MRPS16: variants seen among roughly 807,000 people sequenced by gnomAD.
The protein encoded by MRPS16 is small ribosomal subunit protein bS16m.
MRPS16 carries 5 observed loss-of-function variants against 11.0 expected under a neutral mutation model. The observed-to-expected ratio is 0.46, with a 90% CI of 0.24 to 0.96. The LOEUF is 0.96. Among genes scored for constraint, MRPS16 ranks in the 40% least tolerant of loss-of-function variants. The pLI is 0.20. For synonymous variants in MRPS16, 76 were observed against 65.0 expected, an observed-to-expected ratio of 1.17 and a Z score of -0.81; for missense variants, 179 against 174.4, an observed-to-expected ratio of 1.03 and a Z score of -0.15.
At position 73,249,688 on chromosome 10, in the gene MRPS16, GAA is replaced by G. The variant is rs1156377115; in HGVS notation, c.*1162_*1163del. 1 of 205,580 alleles carries G rather than the reference GAA, an allele frequency of 4.9e-6. No homozygotes were observed. Among genetic ancestry groups the G allele is most frequent in the Non-Finnish European group, 1.0e-5 (1 of 98,818 alleles). The allele number at this position is 205,580 out of a possible 1,614,324, so 12.7% of individuals were successfully genotyped here. A position where few individuals can be genotyped will look rare whatever the true frequency, so the allele number is the denominator to read the frequency against. ...GAATGGTTCAATCTTGATTCATACT[GAA>G]CTCCCTTAAGCCCAGCAGTTTCTCA... is the stretch of plus-strand genomic sequence containing the variant. On this transcript the variant is annotated 3_prime_UTR_variant, in exon 3 of 3. Transcript: ENST00000372945.
intron 1 of MRPS16, 100 bp from the exon 2 acceptor site, chr10:73,252,123 C>G: frequency 6.7e-7 from 1 of 1,482,342 alleles, no homozygotes; most frequent in Non-Finnish European, 9.2e-7. Flanking sequence ...GTCTCACTTC[C>G]AATCCATTCC....
rs763581354 is a variant in MRPS16 at position 73,248,972 on chromosome 10, G to A, written c.*1880C>T. On this transcript the variant is annotated 3_prime_UTR_variant, in exon 3 of 3. Coordinates refer to ENST00000372945, the MANE Select transcript of MRPS16 (RefSeq NM_016065.4). The stretch of plus-strand genomic sequence containing the variant: ...TTTTCTCTGTCACCCAGGCTGGACT[G>A]TAGTGGAACAATCACAGTTCACTGC... 2 of 562,282 alleles carry A rather than the reference G, an allele frequency of 3.6e-6. No homozygotes were observed. The highest frequency in any genetic ancestry group is 3.1e-5 in the South Asian group (2 of 64,624). 34.8% of individuals were successfully genotyped at this position (562,282 alleles called of 1,614,324 possible).
chr10:73,252,593 G>C lies in MRPS16; in HGVS notation c.-111C>G. 2 of 1,480,444 alleles carry C rather than the reference G, an allele frequency of 1.4e-6. No homozygotes were observed. Among genetic ancestry groups the C allele is most frequent in the Non-Finnish European group, 1.8e-6 (2 of 1,093,592 alleles). The allele number at this position is 1,480,444 out of a possible 1,614,324, so 91.7% of individuals were successfully genotyped here. ...AGAAAGAACCTGCAAGCCGACACCA[G>C]GCCGCACCGCCAAGCGGTACAAGCC... On this transcript the variant is annotated 5_prime_UTR_variant, in exon 1 of 3. Transcript: ENST00000372945.
chr10:73,252,539 A>C lies in MRPS16; in HGVS notation c.-57T>G. On this transcript the variant is annotated 5_prime_UTR_variant, in exon 1 of 3. Coordinates refer to ENST00000372945, the MANE Select transcript of MRPS16 (RefSeq NM_016065.4). ...CCCGCTACCCGCACGCACCAGCTCTACGGCCTTGGCAGGGCAGAGAACAAA... is the reference window on the plus strand; with the variant it reads ...CCCGCTACCCGCACGCACCAGCTCTCCGGCCTTGGCAGGGCAGAGAACAAA... 6.3e-7 allele frequency: 1 copy of C among 1,598,800 alleles called. No homozygotes were observed. The highest frequency in any genetic ancestry group is 1.1e-5 in the South Asian group (1 of 90,286).
chr10:73,251,375 CTCTT>C (rs1229763270), intron 2 of MRPS16, among the ~76,000 whole-genome samples: 1 of 150,508 alleles, frequency 6.6e-6, no homozygotes, highest in African/African-American at 2.5e-5. Flanking sequence ...AATGAAATAA[CTCTT>C]TTTTTTTTTT....
At chr10:73,252,311 A>T in intron 1 of MRPS16, 159 bp downstream of exon 1, 3 of 1,219,376 alleles carry the variant, frequency 2.5e-6, no homozygotes, top group Non-Finnish European at 3.5e-6. Context: ...AGCGGTGATT[A>T]AGTGGGGAAA....
chr10:73,252,507 G>A lies in MRPS16; in HGVS notation c.-25C>T, dbSNP rs757956436. The A allele has an allele frequency of 5.6e-6, 9 of 1,605,580 alleles. No individual in the cohort carries two copies. The South Asian group carries it at 6.6e-5, about 12-fold the overall frequency. On this transcript the variant is annotated 5_prime_UTR_variant, in exon 1 of 3. Transcript: ENST00000372945. ...TGGTGCCGCCGGCGTGCGGCTCCTC[G>A]GAGAGCCCCGCTACCCGCACGCACC...
Position 73,252,384 on chromosome 10 carries a change from G to A in MRPS16, c.13+86C>T, listed in dbSNP as rs530527250. Reference sequence around the variant, plus strand: ...GCTTCAGGTTCGGGTTGCCTCCATCGCGCCTGGGAGAGCTCTCCCCACCCG... The same window carrying A: ...GCTTCAGGTTCGGGTTGCCTCCATCACGCCTGGGAGAGCTCTCCCCACCCG... On this transcript the variant is annotated intron_variant, in intron 1 of 2. Transcript: ENST00000372945. 44 of 1,582,740 alleles carry A rather than the reference G, an allele frequency of 2.8e-5. No individual in the cohort carries two copies. The African/African-American group carries it at 5.5e-4, about 20-fold the overall frequency.
chr10:73,252,602 GCCAAGCGGTA>G lies in MRPS16; in HGVS notation c.-130_-121del. On this transcript the variant is annotated 5_prime_UTR_variant, in exon 1 of 3. Transcript: ENST00000372945. ...CTGCAAGCCGACACCAGGCCGCACC[GCCAAGCGGTA>G]CAAGCCCGAAAACCTCGACTCCGGA... 6.9e-7 allele frequency: 1 copy of G among 1,444,790 alleles called. No homozygotes were observed. Among genetic ancestry groups the G allele is most frequent in the Admixed American group, 2.0e-5 (1 of 50,898 alleles). 89.5% of individuals were successfully genotyped at this position (1,444,790 alleles called of 1,614,324 possible).
Position 73,250,432 on chromosome 10 carries a change from C to A in MRPS16, c.*420G>T. 1 of 219,336 alleles carries A rather than the reference C, an allele frequency of 4.6e-6. No individual in the cohort carries two copies. The highest frequency in any genetic ancestry group is 6.2e-5 in the South Asian group (1 of 16,078). 13.6% of individuals were successfully genotyped at this position (219,336 alleles called of 1,614,324 possible). A position where few individuals can be genotyped will look rare whatever the true frequency, so the allele number is the denominator to read the frequency against. ...TATGCATTAGGCAAGACAATATAAA[C>A]CTCCAATTACAAAAATCAATTAAGA... On this transcript the variant is annotated 3_prime_UTR_variant, in exon 3 of 3. Coordinates refer to ENST00000372945, the MANE Select transcript of MRPS16 (RefSeq NM_016065.4).
At position 73,251,611 on chromosome 10, in the gene MRPS16, C is replaced by T. The variant is rs780545051; in HGVS notation, c.274+152G>A. ...GGCCACTCTGGTCTCAAACTCTTGA[C>T]CTCAGGTGATCCGCCCGCCTCGGCC... On this transcript the variant is annotated intron_variant, in intron 2 of 2. Coordinates refer to ENST00000372945, the MANE Select transcript of MRPS16 (RefSeq NM_016065.4). The T allele has an allele frequency of 7.2e-4, 764 of 1,064,322 alleles. 2 individuals are homozygous for T. Among genetic ancestry groups the T allele is most frequent in the South Asian group, 9.9e-4 (78 of 78,928 alleles). 65.9% of individuals were successfully genotyped at this position (1,064,322 alleles called of 1,614,324 possible).
At position 73,252,587 on chromosome 10, in the gene MRPS16, A is replaced by T. The variant is rs1792259119; in HGVS notation, c.-105T>A. ...AAACACAGAAAGAACCTGCAAGCCGACACCAGGCCGCACCGCCAAGCGGTA... is the reference window on the plus strand; with the variant it reads ...AAACACAGAAAGAACCTGCAAGCCGTCACCAGGCCGCACCGCCAAGCGGTA... On this transcript the variant is annotated 5_prime_UTR_variant, in exon 1 of 3. Coordinates refer to ENST00000372945, the MANE Select transcript of MRPS16 (RefSeq NM_016065.4). 6.7e-7 allele frequency: 1 copy of T among 1,503,256 alleles called. No individual in the cohort carries two copies. Among genetic ancestry groups the T allele is most frequent in the Admixed American group, 1.9e-5 (1 of 51,990 alleles). 93.1% of individuals were successfully genotyped at this position (1,503,256 alleles called of 1,614,324 possible).
chr10:73,251,103 A>T, intron 2 of MRPS16, 112 bp from the exon 3 acceptor site: 11 of 1,257,670 alleles, frequency 8.7e-6, no homozygotes, highest in African/African-American at 1.5e-5. Flanking sequence ...ATGGATGCAA[A>T]CCATGCTCCT....
rs1034723002 is a variant in MRPS16, at chr10:73,251,939, C to A, written c.98G>T (p.Arg33Leu). The A allele has an allele frequency of 3.1e-6, 5 of 1,614,042 alleles. No homozygotes were observed. In the African/African-American group the frequency reaches 5.3e-5, roughly 17 times the overall value. ...LGGCTNRPFYRIVAAHNKCPR... is the reference protein window; with the variant it reads ...LGGCTNRPFYLIVAAHNKCPR... ...ACACTTGTTGTGAGCAGCCACAATG[C>A]GGTAGAACGGCCGATTGGTGCAGCC... Residue 33 changes from arginine to leucine, a missense_variant, in exon 2 of 3, where the codon CGC becomes CTC. Coordinates refer to ENST00000372945, the MANE Select transcript of MRPS16 (RefSeq NM_016065.4).
rs2044128162 is a variant in MRPS16, at chr10:73,252,348, G to A, written c.13+122C>T. The A allele has an allele frequency of 1.2e-5, 17 of 1,373,708 alleles. No individual in the cohort carries two copies. In the South Asian group the frequency reaches 2.1e-4, roughly 17 times the overall value. 85.1% of individuals were successfully genotyped at this position (1,373,708 alleles called of 1,614,324 possible). A position where few individuals can be genotyped will look rare whatever the true frequency, so the allele number is the denominator to read the frequency against. On this transcript the variant is annotated intron_variant, in intron 1 of 2. Coordinates refer to ENST00000372945, the MANE Select transcript of MRPS16 (RefSeq NM_016065.4). Reference sequence around the variant, plus strand: ...AACTGAGAGAAGGATCAAATGTAAGGCAGTGTGGCTGCTTCAGGTTCGGGT... The same window carrying A: ...AACTGAGAGAAGGATCAAATGTAAGACAGTGTGGCTGCTTCAGGTTCGGGT...
chr10:73,252,577 C>T lies in MRPS16; in HGVS notation c.-95G>A, dbSNP rs111672256. On this transcript the variant is annotated 5_prime_UTR_variant, in exon 1 of 3. Coordinates refer to ENST00000372945, the MANE Select transcript of MRPS16 (RefSeq NM_016065.4). ...GGCAGAGAACAAACACAGAAAGAAC[C>T]TGCAAGCCGACACCAGGCCGCACCG... is the stretch of plus-strand genomic sequence containing the variant. 16,796 of 1,537,990 alleles carry T rather than the reference C, an allele frequency of 0.011. 783 individuals carry two copies. In the African/African-American group the frequency reaches 0.14, roughly 13 times the overall value.
At chr10:73,251,542 ATTT>A (rs113802791) in intron 2 of MRPS16, among the ~76,000 whole-genome samples, 2 of 147,894 alleles carry the variant, frequency 1.4e-5, no homozygotes, top group African/African-American at 2.5e-5. Context: ...CGCCCAACTA[ATTT>A]TTTTTTTTTA....
At position 73,251,144 on chromosome 10, in the gene MRPS16, G is replaced by A. The variant is rs150924692; in HGVS notation, c.275-153C>T. Among the ~76,000 whole-genome samples the A allele has an allele frequency of 9.2e-3, 1,406 of 152,158 alleles. 13 individuals are homozygous for A. The highest frequency in any genetic ancestry group is 0.016 in the Non-Finnish European group (1,093 of 68,002). On this transcript the variant is annotated intron_variant, in intron 2 of 2. Transcript: ENST00000372945. ...GCCAAACTCTGTACTACTTCTCCCCGGCAAGGAGACAGTGGATGTCTACTT... is the reference window on the plus strand; with the variant it reads ...GCCAAACTCTGTACTACTTCTCCCCAGCAAGGAGACAGTGGATGTCTACTT...
At chr10:73,252,444 C>A (rs1252457457) in intron 1 of MRPS16, 26 bp downstream of exon 1, 2 of 1,609,434 alleles carry the variant, frequency 1.2e-6, no homozygotes, top group South Asian at 1.1e-5. Context: ...CCGCCCGGAA[C>A]GTCTCGCGGT....
Sources: allele counts gnomAD v4.1 joint callset (sites outside exome capture counted in the v4.1 genomes callset), GRCh38; gene constraint gnomAD v4.1.1; transcripts MANE v1.5; gene names NCBI Gene and HGNC (gene_info 2026-07-23, HGNC 2026-07-21).